The following INSR variants were observed in gnomAD, a reference collection of about 807,000 sequenced individuals.
The protein encoded by INSR is insulin receptor, also known as IR.
In INSR, 67 loss-of-function variants were observed where a neutral mutation model predicts 142.6. The observed-to-expected ratio is 0.47, with a 90% confidence interval of 0.39 to 0.58. The LOEUF is 0.58. Among genes scored for constraint, INSR ranks in the 20% least tolerant of loss-of-function variants. The pLI, the probability that INSR is intolerant of heterozygous loss-of-function variation, is 0.00. For synonymous variants in INSR, 756 were observed against 743.1 expected, an observed-to-expected ratio of 1.02 and a Z score of -0.28; for missense variants, 1,248 against 1,833.2, an observed-to-expected ratio of 0.68 and a Z score of 5.83.
chr19:7,190,191 A>G (rs1387582740), intron 2 of INSR, among the ~76,000 whole-genome samples: 1 of 151,066 alleles, frequency 6.6e-6, no homozygotes, highest in Non-Finnish European at 1.5e-5. Flanking sequence ...TCCTTGCCGA[A>G]AAAAAAAAGA....
In INSR at chr19:7,175,093, C is replaced by T. The variant is rs540532639; in HGVS notation, c.975-362G>A. Among the ~76,000 whole-genome samples, 38 of 152,236 alleles carry T rather than the reference C, an allele frequency of 2.5e-4. 1 individual carries two copies. The South Asian group carries it at 7.2e-3, about 29-fold the overall frequency. On this transcript the variant is annotated intron_variant, in intron 3 of 21. Transcript: ENST00000302850. Reference sequence around the variant, plus strand: ...TCCTGACCTCAAGTGATCCACCCGCCTCGGCCTCCCAAAGTGCTGGGATTA... The same window carrying T: ...TCCTGACCTCAAGTGATCCACCCGCTTCGGCCTCCCAAAGTGCTGGGATTA...
At chr19:7,135,995 AT>A (rs1409893209) in intron 13 of INSR, among the ~76,000 whole-genome samples, 3 of 151,196 alleles carry the variant, frequency 2.0e-5, no homozygotes, top group Non-Finnish European at 4.4e-5. Context: ...AATGAAAGAA[AT>A]GCCAAACTCT....
chr19:7,117,956 G>T (rs1391466173), intron 21 of INSR, among the ~76,000 whole-genome samples: 1 of 151,364 alleles, frequency 6.6e-6, no homozygotes, highest in Non-Finnish European at 1.5e-5. Context: ...ACCCAGGATG[G>T]AGTGCAGTGG....
intron 2 of INSR, among the ~76,000 whole-genome samples, chr19:7,200,637 A>G (rs1974926381): frequency 6.6e-6 from 1 of 151,912 alleles, no homozygotes; most frequent in Non-Finnish European, 1.5e-5. Context: ...CTAGGAGTTC[A>G]AGACCAGCCT....
chr19:7,251,026 A>G (rs994651296), intron 2 of INSR, among the ~76,000 whole-genome samples: 8 of 152,168 alleles, frequency 5.3e-5, no homozygotes, highest in Middle Eastern at 6.8e-3. Flanking sequence ...CCTCAGCACT[A>G]TTGACATTTG....
At chr19:7,285,627 A>C (rs1424659017) in intron 1 of INSR, among the ~76,000 whole-genome samples, 1 of 152,098 alleles carries the variant, frequency 6.6e-6, no homozygotes, top group Non-Finnish European at 1.5e-5. Flanking sequence ...CAGAGCAAGA[A>C]CCTGCCTCTC....
chr19:7,189,612 T>C (rs1444712371), intron 2 of INSR, among the ~76,000 whole-genome samples: 3 of 152,112 alleles, frequency 2.0e-5, no homozygotes, highest in African/African-American at 4.8e-5. Flanking sequence ...ATGGGCCAGA[T>C]AGTTTATCAA....
At chr19:7,212,419 GAC>G (rs1975303457) in intron 2 of INSR, among the ~76,000 whole-genome samples, 1 of 152,146 alleles carries the variant, frequency 6.6e-6, no homozygotes, top group South Asian at 2.1e-4. Context: ...CCACCTAGCA[GAC>G]ACATGTTGAA....
At chr19:7,231,028 G>C (rs1975956771) in intron 2 of INSR, among the ~76,000 whole-genome samples, 1 of 152,152 alleles carries the variant, frequency 6.6e-6, no homozygotes, top group South Asian at 2.1e-4. Context: ...TCCCCTCCTG[G>C]CATGGACACA....
chr19:7,193,633 T>C (rs1205902697), intron 2 of INSR, among the ~76,000 whole-genome samples: 6 of 152,172 alleles, frequency 3.9e-5, no homozygotes, highest in Admixed American at 1.3e-4. Context: ...GTATGTGTAC[T>C]ATCCTGTCAA....
chr19:7,215,578 A>ATTTATTTATTT (rs1555753814), intron 2 of INSR, among the ~76,000 whole-genome samples: 20 of 150,948 alleles, frequency 1.3e-4, no homozygotes, highest in African/African-American at 3.9e-4. Flanking sequence ...TTATTTATTT[A>ATTTATTTATTT]TTTTTTTGAG....
At position 7,113,697 on chromosome 19, in the gene INSR, C is replaced by G. The variant is rs146249924; in HGVS notation, c.*3359G>C. On this transcript the variant is annotated 3_prime_UTR_variant, in exon 22 of 22. Coordinates refer to ENST00000302850, the MANE Select transcript of INSR (RefSeq NM_000208.4). ...TAACACTACAAACTCCCAGGACAAC[C>G]GTGTCTTTCTAGGACCAAAGTTTTA... 2 of 152,136 alleles carry G rather than the reference C, an allele frequency of 1.3e-5. No homozygotes were observed. The highest frequency in any genetic ancestry group is 4.8e-5 in the African/African-American group (2 of 41,442). The allele number at this position is 152,136 out of a possible 1,614,324, so 9.4% of individuals were successfully genotyped here. A position where few individuals can be genotyped will look rare whatever the true frequency, so the allele number is the denominator to read the frequency against.
At chr19:7,250,705 C>CA (rs1976702374) in intron 2 of INSR, among the ~76,000 whole-genome samples, 1 of 151,608 alleles carries the variant, frequency 6.6e-6, no homozygotes. Context: ...GAAAAAAAAT[C>CA]AAAGAACACA....
intron 2 of INSR, among the ~76,000 whole-genome samples, chr19:7,222,000 C>G (rs1245799894): frequency 6.8e-6 from 1 of 147,488 alleles, no homozygotes; most frequent in Admixed American, 6.9e-5. Context: ...CAAGCATGTA[C>G]TATCCACCAG....
chr19:7,180,856 C>T (rs1274339478), intron 3 of INSR, among the ~76,000 whole-genome samples: 2 of 152,110 alleles, frequency 1.3e-5, no homozygotes, highest in African/African-American at 2.4e-5. Context: ...CGAGCCCTCC[C>T]GATGAGGAGT....
At chr19:7,221,277 A>G (rs1005194457) in intron 2 of INSR, among the ~76,000 whole-genome samples, 13 of 151,262 alleles carry the variant, frequency 8.6e-5, no homozygotes, top group African/African-American at 2.4e-4. Context: ...GGGAGGCTGA[A>G]GTGGGAGAAT....
chr19:7,233,519 C>G (rs868757183), intron 2 of INSR, among the ~76,000 whole-genome samples: 1 of 152,016 alleles, frequency 6.6e-6, no homozygotes, highest in East Asian at 1.9e-4. Context: ...GTGCTGGGAA[C>G]CACCCTATCA....
chr19:7,184,038 G>A (rs1340270543), intron 3 of INSR, among the ~76,000 whole-genome samples: 1 of 125,284 alleles, frequency 8.0e-6, no homozygotes, highest in Non-Finnish European at 1.6e-5. Context: ...CAGCTTGGGA[G>A]TCTTGCGGCA....
rs11342133 is a variant in INSR, at chr19:7,210,340, C to CA, written c.653-25704dup. ...AGCCTGGTCAACAGAGACTCTGTCTCAAAAAAAAAAAAAAAAAAGTAAACA... is the reference window on the plus strand; with the variant it reads ...AGCCTGGTCAACAGAGACTCTGTCTCAAAAAAAAAAAAAAAAAAAGTAAACA... On this transcript the variant is annotated intron_variant, in intron 2 of 21. Transcript: ENST00000302850. Among the ~76,000 whole-genome samples the CA allele has an allele frequency of 7.9e-4, 87 of 109,810 alleles. 1 individual carries two copies. Among genetic ancestry groups the CA allele is most frequent in the Middle Eastern group, 5.4e-3 (1 of 186 alleles). The allele number at this position is 109,810 out of a possible 152,430, so 72.0% of individuals were successfully genotyped here.
Sources: gnomAD v4.1 joint callset for allele counts (sites outside exome capture counted in the v4.1 genomes callset) on GRCh38, gnomAD v4.1.1 for gene constraint, MANE v1.5 for transcripts, NCBI Gene and HGNC (gene_info 2026-07-23, HGNC 2026-07-21) for gene names.